AGMO: variants seen among roughly 807,000 people sequenced by gnomAD.
The protein encoded by AGMO is alkylglycerol monooxygenase, also known as glyceryl-ether monooxygenase.
Under a neutral mutation model 60.2 loss-of-function variants are expected in AGMO, and 75 were observed. That is an observed-to-expected ratio of 1.25 (90% confidence interval 1.03 to 1.51). AGMO has a LOEUF of 1.51. AGMO is among the 40% of genes most tolerant of loss of function. The pLI is 0.00. For synonymous variants in AGMO, 261 were observed against 177.1 expected (o/e 1.47, Z -3.76); for missense variants, 763 against 525.5 (o/e 1.45, Z -4.42).
At chr7:15,130,581 A>C in the AGMO span, among the ~76,000 whole-genome samples, 1 of 152,180 alleles carries the variant, frequency 6.6e-6, no homozygotes, top group Non-Finnish European at 1.5e-5. Context: ...CAGCACAAGA[A>C]GTGGACAAGG....
chr7:15,185,030 ATGG>A, the AGMO span, among the ~76,000 whole-genome samples: 1 of 152,194 alleles, frequency 6.6e-6, no homozygotes, highest in African/African-American at 2.4e-5. Context: ...CTACTATATA[ATGG>A]TGGCACCGAT....
chr7:15,364,101 T>C (rs1343839935), intron 12 of AGMO, among the ~76,000 whole-genome samples: 1 of 152,016 alleles, frequency 6.6e-6, no homozygotes, highest in Non-Finnish European at 1.5e-5. Context: ...TAAGATAGTA[T>C]GCTTCACGGT....
intron 10 of AGMO, among the ~76,000 whole-genome samples, chr7:15,381,756 G>A (rs527565636): frequency 1.3e-5 from 2 of 151,986 alleles, no homozygotes; most frequent in South Asian, 4.2e-4. Context: ...CAATATCAAA[G>A]ACATGGAATC....
At chr7:15,290,086 G>A (rs1784218636) in intron 12 of AGMO, among the ~76,000 whole-genome samples, 1 of 149,452 alleles carries the variant, frequency 6.7e-6, no homozygotes, top group South Asian at 2.1e-4. Flanking sequence ...CTGGAGTGCA[G>A]TGGCATGATC....
At chr7:15,294,236 A>G (rs1365563111) in intron 12 of AGMO, among the ~76,000 whole-genome samples, 1 of 145,268 alleles carries the variant, frequency 6.9e-6, no homozygotes, top group Non-Finnish European at 1.5e-5. Flanking sequence ...TTCTAAAGAT[A>G]TTATCACATA....
intron 12 of AGMO, among the ~76,000 whole-genome samples, chr7:15,210,827 A>C (rs1037099253): frequency 2.6e-5 from 4 of 152,050 alleles, no homozygotes; most frequent in African/African-American, 9.7e-5. Flanking sequence ...TGGGTTTTAA[A>C]TTAGACCCTT....
At chr7:15,123,883 T>G in the AGMO span, among the ~76,000 whole-genome samples, 1 of 152,102 alleles carries the variant, frequency 6.6e-6, no homozygotes, top group African/African-American at 2.4e-5. Flanking sequence ...TTTATTCCAG[T>G]AAAGTGAGCG....
At chr7:15,248,040 C>A (rs1030381526) in intron 12 of AGMO, among the ~76,000 whole-genome samples, 2 of 150,674 alleles carry the variant, frequency 1.3e-5, no homozygotes, top group Middle Eastern at 6.8e-3. Context: ...AGCAGAATAA[C>A]AGAATGCTTC....
At chr7:15,500,074 G>C (rs1651862090) in intron 3 of AGMO, among the ~76,000 whole-genome samples, 1 of 151,660 alleles carries the variant, frequency 6.6e-6, no homozygotes. Context: ...AATGCTCTCT[G>C]AATGTACATT....
intron 12 of AGMO, among the ~76,000 whole-genome samples, chr7:15,272,577 C>T (rs969137885): frequency 6.6e-6 from 1 of 151,966 alleles, no homozygotes; most frequent in South Asian, 2.1e-4. Flanking sequence ...GTGAATAGTG[C>T]CACAATAAAT....
At chr7:15,293,973 T>C (rs1224227413) in intron 12 of AGMO, among the ~76,000 whole-genome samples, 1 of 152,122 alleles carries the variant, frequency 6.6e-6, no homozygotes, top group African/African-American at 2.4e-5. Flanking sequence ...AGTAAAGAGA[T>C]GTTTAAGAAA....
intron 2 of AGMO, among the ~76,000 whole-genome samples, chr7:15,549,907 T>C (rs1348109541): frequency 2.0e-5 from 3 of 150,394 alleles, no homozygotes; most frequent in Non-Finnish European, 3.0e-5. Flanking sequence ...ATTGACCACA[T>C]ACTGGGAAGT....
chr7:15,401,424 A>G (rs1020127320), intron 5 of AGMO, among the ~76,000 whole-genome samples: 8 of 152,154 alleles, frequency 5.3e-5, no homozygotes, highest in Admixed American at 4.6e-4. Context: ...ATCTTCATCA[A>G]AAATATTCAG....
chr7:15,285,711 C>T (rs1035104745), intron 12 of AGMO, among the ~76,000 whole-genome samples: 2 of 151,772 alleles, frequency 1.3e-5, no homozygotes. Context: ...TAACAGAACT[C>T]GAAAAAATAT....
chr7:15,358,485 G>C (rs747471880), intron 12 of AGMO: 34 of 466,440 alleles, frequency 7.3e-5, no homozygotes, highest in African/African-American at 6.4e-4. Flanking sequence ...TTGGTACTCC[G>C]TGATTTCAGT....
chr7:15,497,651 C>G (rs1447657461), intron 3 of AGMO, among the ~76,000 whole-genome samples: 1 of 151,886 alleles, frequency 6.6e-6, no homozygotes, highest in Non-Finnish European at 1.5e-5. Context: ...AACACTAAAG[C>G]TCACACAAGA....
intron 8 of AGMO, among the ~76,000 whole-genome samples, chr7:15,388,360 G>A (rs528217739): frequency 4.6e-5 from 7 of 152,236 alleles, no homozygotes; most frequent in Admixed American, 1.3e-4. Flanking sequence ...TCAGGCATAT[G>A]GGTTAATGGA....
chr7:15,370,899 T>TC (rs971369810), intron 10 of AGMO, among the ~76,000 whole-genome samples: 46 of 152,170 alleles, frequency 3.0e-4, no homozygotes, highest in African/African-American at 1.1e-3. Flanking sequence ...TGTAACTAGG[T>TC]CCCATCTGTC....
At position 15,385,572 on chromosome 7, in the gene AGMO, C is replaced by T. The variant is rs763566792; in HGVS notation, c.958-10G>A. 2 of 1,502,362 alleles carry T rather than the reference C, an allele frequency of 1.3e-6. No homozygotes were observed. The highest frequency in any genetic ancestry group is 1.1e-5 in the South Asian group (1 of 88,452). 93.1% of individuals were successfully genotyped at this position (1,502,362 alleles called of 1,614,324 possible). ...CTTCTTTGCCGGTGACCTAGGGAGA[C>T]AAGAACCATTTCCTTTATATTGCTC... On this transcript the variant is annotated splice_polypyrimidine_tract_variant and intron_variant, in intron 9 of 12. Transcript: ENST00000342526.
Sources: allele counts gnomAD v4.1 joint callset (sites outside exome capture counted in the v4.1 genomes callset), GRCh38; gene constraint gnomAD v4.1.1; transcripts MANE v1.5; gene names NCBI Gene and HGNC (gene_info 2026-07-23, HGNC 2026-07-21).